C21orf58: variants seen among roughly 807,000 people sequenced by gnomAD.
C21orf58 encodes the protein chromosome 21 open reading frame 58, also known as uncharacterized protein C21orf58.
A neutral mutation model predicts 35.8 loss-of-function variants in C21orf58; 34 were observed. The ratio of observed to expected loss-of-function variants is 0.95; its 90% CI spans 0.72 to 1.26. The LOEUF is 1.26. Among genes scored for constraint, C21orf58 ranks in the 50% most tolerant of loss-of-function variants. The pLI is 0.00. For synonymous variants in C21orf58, 191 were observed against 175.8 expected (o/e 1.09, Z -0.68); for missense variants, 440 against 414.3 (o/e 1.06, Z -0.54).
intron 1 of C21orf58, 40 bp from the exon 2 acceptor site, chr21:46,318,260 C>T (rs1367445686): frequency 1.2e-6 from 2 of 1,607,356 alleles, no homozygotes; most frequent in South Asian, 2.2e-5. Flanking sequence ...ATAGCCACAC[C>T]CTCCCTGGAC....
chr21:46,316,303 A>G (rs2082976896), intron 3 of C21orf58, among the ~76,000 whole-genome samples: 1 of 152,050 alleles, frequency 6.6e-6, no homozygotes, highest in Admixed American at 6.6e-5. Flanking sequence ...TAAAAATACA[A>G]AAGTTGGCCA....
chr21:46,310,143 C>T (rs2082609630), intron 6 of C21orf58, among the ~76,000 whole-genome samples: 1 of 152,094 alleles, frequency 6.6e-6, no homozygotes, highest in Admixed American at 6.6e-5. Context: ...TATGCTCAGT[C>T]TTGATTGTAG....
chr21:46,322,595 A>G (rs200721269), intron 1 of C21orf58, 44 bp downstream of exon 1: 96 of 1,448,246 alleles, frequency 6.6e-5, no homozygotes, highest in Non-Finnish European at 8.0e-5. Context: ...AAACCACCCA[A>G]TTCCGAGTCT....
intron 2 of C21orf58, 28 bp from the exon 3 acceptor site, chr21:46,317,296 A>C: frequency 6.2e-7 from 1 of 1,607,150 alleles, no homozygotes; most frequent in Non-Finnish European, 8.5e-7. Context: ...CGTGACAGAG[A>C]CGGTGGCTCC....
chr21:46,300,450 TAGAA>T (rs1203857986), downstream of C21orf58: 11 of 214,024 alleles, frequency 5.1e-5, no homozygotes, highest in Middle Eastern at 6.0e-3. Flanking sequence ...ACATTTTTAA[TAGAA>T]AGAAAGAAAT....
intron 1 of C21orf58, among the ~76,000 whole-genome samples, chr21:46,321,683 G>C (rs2083160129): frequency 6.6e-6 from 1 of 152,290 alleles, no homozygotes; most frequent in South Asian, 2.1e-4. Context: ...CATCACATCA[G>C]GGACACACAC....
intron 1 of C21orf58, chr21:46,320,760 CAG>C (rs1437145572): frequency 6.6e-6 from 1 of 152,224 alleles, no homozygotes; most frequent in Non-Finnish European, 1.5e-5. Context: ...CTGCCCACAT[CAG>C]AGATGCTTCC....
intron 3 of C21orf58, among the ~76,000 whole-genome samples, chr21:46,315,883 A>C (rs2082958001): frequency 6.6e-6 from 1 of 152,116 alleles, no homozygotes; most frequent in Admixed American, 6.5e-5. Flanking sequence ...CAGGAGGTCA[A>C]GGGCTCTACA....
intron 6 of C21orf58, among the ~76,000 whole-genome samples, chr21:46,304,219 A>C (rs1021072182): frequency 1.3e-5 from 2 of 151,266 alleles, no homozygotes; most frequent in Non-Finnish European, 2.9e-5. Context: ...TTTAGTAGAG[A>C]TGGGGTTTCA....
intron 3 of C21orf58, among the ~76,000 whole-genome samples, 155 bp downstream of exon 3, chr21:46,317,053 T>C (rs999590470): frequency 6.6e-6 from 1 of 152,144 alleles, no homozygotes; most frequent in African/African-American, 2.4e-5. Flanking sequence ...CAACTCTGAA[T>C]GTAAAGGAAA....
chr21:46,322,638 C>G lies in C21orf58; in HGVS notation c.100+1G>C. The stretch of plus-strand genomic sequence containing the variant: ...AGGAGACCGCTGGACACCCCGCTCA[C>G]CACACAGAAGACTGTGGCCTGAGTC... On this transcript the variant is annotated splice_donor_variant, in intron 1 of 7. Coordinates refer to ENST00000291691, the MANE Select transcript of C21orf58 (RefSeq NM_058180.5). LOFTEE classifies it high-confidence loss of function. 1 of 1,557,444 alleles carries G rather than the reference C, an allele frequency of 6.4e-7. No individual in the cohort carries two copies. The highest frequency in any genetic ancestry group is 1.2e-5 in the South Asian group (1 of 83,458).
intron 1 of C21orf58, chr21:46,320,503 A>G (rs1424128861): frequency 1.7e-5 from 2 of 119,160 alleles, no homozygotes; most frequent in African/African-American, 7.2e-5. Context: ...CAAGAGTGTA[A>G]CTCCACCTCA....
At position 46,322,684 on chromosome 21, in the gene C21orf58, G is replaced by A. The variant is rs375743197; in HGVS notation, c.55C>T (p.Arg19Cys). The change falls in exon 1 of 8, where the codon CGC (arginine) becomes TGC (cysteine). Residue 19 changes from arginine (R) to cysteine (C), a missense_variant. By Grantham distance (180) the Arg-to-Cys change is radical (BLOSUM62 -3). Coordinates refer to ENST00000291691, the MANE Select transcript of C21orf58 (RefSeq NM_058180.5). ...GAGTCAGGAGAAGGAAGTTTCTGGC[G>A]GTCGAGCTTCCACGGCTTCCTGAGG... ...TSLRKPWKLD[R>C]QKLPSPDSGH... 4 of 1,586,502 alleles carry A rather than the reference G, an allele frequency of 2.5e-6. No homozygotes were observed. The highest frequency in any genetic ancestry group is 1.1e-5 in the South Asian group (1 of 86,970).
chr21:46,320,275 G>A (rs1025653690), intron 1 of C21orf58, among the ~76,000 whole-genome samples: 1 of 151,952 alleles, frequency 6.6e-6, no homozygotes, highest in Admixed American at 6.6e-5. Context: ...GTTAATCTTT[G>A]TATTTTTGGT....
At chr21:46,315,414 G>T in intron 4 of C21orf58, 60 bp downstream of exon 4, 1 of 1,048,208 alleles carries the variant, frequency 9.5e-7, no homozygotes, top group Non-Finnish European at 1.5e-6. Flanking sequence ...CCTTAAGGCT[G>T]AGCAGCTATC....
At chr21:46,304,835 T>C (rs1484536863) in intron 6 of C21orf58, among the ~76,000 whole-genome samples, 1 of 152,184 alleles carries the variant, frequency 6.6e-6, no homozygotes. Context: ...CATCAGTAGA[T>C]AGATAAATGG....
chr21:46,303,901 G>A (rs1179796500), intron 6 of C21orf58, among the ~76,000 whole-genome samples: 9 of 147,874 alleles, frequency 6.1e-5, no homozygotes, highest in Admixed American at 3.4e-4. Context: ...ACAGGTGCCC[G>A]CCACTGCGCC....
At chr21:46,314,587 G>T (rs1164707521) in intron 5 of C21orf58, 129 bp downstream of exon 5, 4 of 708,816 alleles carry the variant, frequency 5.6e-6, no homozygotes, top group Non-Finnish European at 9.1e-6. Context: ...CCCTTCAAGG[G>T]TGGGCCTTGG....
chr21:46,319,079 G>T (rs1256716585), intron 1 of C21orf58: 1 of 152,470 alleles, frequency 6.6e-6, no homozygotes, highest in Non-Finnish European at 1.5e-5. Flanking sequence ...ATGTCCATCA[G>T]TATCTATGGT....
Sources: allele counts gnomAD v4.1 joint callset (sites outside exome capture counted in the v4.1 genomes callset), GRCh38; gene constraint gnomAD v4.1.1; transcripts MANE v1.5; gene names NCBI Gene and HGNC (gene_info 2026-07-23, HGNC 2026-07-21).